Variants in ABLIM3 observed in about 807,000 individuals in gnomAD.
ABLIM3 encodes actin binding LIM protein family member 3.
Under a neutral mutation model 109.5 loss-of-function variants are expected in ABLIM3, and 61 were observed. The observed-to-expected ratio is 0.56, with a 90% CI of 0.45 to 0.69. The LOEUF (loss-of-function observed/expected upper bound fraction) is 0.69. Among genes scored for constraint, ABLIM3 ranks in the 30% least tolerant of loss-of-function variants. The pLI, the probability that ABLIM3 is intolerant of heterozygous loss-of-function variation, is 0.00. For missense variants in ABLIM3, 796 were observed against 889.5 expected (o/e 0.89, Z 1.34); for synonymous variants, 300 against 324.8 (o/e 0.92, Z 0.82).
At chr5:149,154,307 G>C (rs1753690783) in intron 2 of ABLIM3, among the ~76,000 whole-genome samples, 1 of 152,222 alleles carries the variant, frequency 6.6e-6, no homozygotes, top group Non-Finnish European at 1.5e-5. Flanking sequence ...AGCATGAGTT[G>C]TTCTCGAAAG....
Position 149,183,490 on chromosome 5 carries a change from T to G in ABLIM3, c.52T>G (p.Ser18Ala). The change falls in exon 3 of 24, where the codon TCC becomes GCC. Residue 18 changes from serine to alanine, a missense_variant. Coordinates refer to ENST00000309868, the MANE Select transcript of ABLIM3 (RefSeq NM_014945.5). ...GAATCCTTACAATCCACGGGGCAGCTCCAATGTCATCCAGTGCTACCGCTG... is the reference window on the plus strand; with the variant it reads ...GAATCCTTACAATCCACGGGGCAGCGCCAATGTCATCCAGTGCTACCGCTG... ...QQNPYNPRGS[S>A]NVIQCYRCGD... is the part of the protein sequence containing the mutation. The G allele has an allele frequency of 6.3e-7, 1 of 1,589,694 alleles. No homozygotes were observed. The highest frequency in any genetic ancestry group is 8.6e-7 in the Non-Finnish European group (1 of 1,168,730).
In ABLIM3 at chr5:149,151,581, T is replaced by C. The variant is rs568545199; in HGVS notation, c.13+9473T>C. On this transcript the variant is annotated intron_variant, in intron 2 of 23. Transcript: ENST00000309868. ...CTATCTAGTCTTGATGTTTAAACCC[T>C]CATTTTGCTATCCCTGACCCATGGA... Among the ~76,000 whole-genome samples, 16 of 152,352 alleles carry C rather than the reference T, an allele frequency of 1.1e-4. No individual in the cohort carries two copies. In the East Asian group the frequency reaches 3.1e-3, roughly 29 times the overall value.
intron 2 of ABLIM3, among the ~76,000 whole-genome samples, chr5:149,147,102 G>A (rs186337474): frequency 3.7e-4 from 55 of 147,088 alleles, no homozygotes; most frequent in East Asian, 3.5e-3. Flanking sequence ...TCGCTTGCTC[G>A]CTCTCTGTGT....
chr5:149,173,623 G>A (rs572284419), intron 2 of ABLIM3, among the ~76,000 whole-genome samples: 223 of 152,268 alleles, frequency 1.5e-3, no homozygotes, highest in African/African-American at 5.1e-3. Context: ...TAGTCGCTGC[G>A]GCTCTGCATT....
intron 2 of ABLIM3, among the ~76,000 whole-genome samples, chr5:149,144,732 A>C (rs527650009): frequency 1.8e-4 from 28 of 152,290 alleles, no homozygotes; most frequent in Admixed American, 3.3e-4. Context: ...CAAGTCATGC[A>C]GTTAATTGTT....
chr5:149,165,536 C>G (rs1397066251), intron 2 of ABLIM3, among the ~76,000 whole-genome samples: 1 of 152,202 alleles, frequency 6.6e-6, no homozygotes, highest in Admixed American at 6.5e-5. Context: ...CCAGTTCCAA[C>G]TAGCTCAAGT....
At chr5:149,146,286 T>C (rs1752917918) in intron 2 of ABLIM3, among the ~76,000 whole-genome samples, 1 of 152,244 alleles carries the variant, frequency 6.6e-6, no homozygotes, top group African/African-American at 2.4e-5. Flanking sequence ...CTGTTGATAG[T>C]ATCTTTTGCA....
At chr5:149,212,511 G>A (rs924524053) in intron 7 of ABLIM3, among the ~76,000 whole-genome samples, 3 of 152,100 alleles carry the variant, frequency 2.0e-5, no homozygotes, top group African/African-American at 7.2e-5. Context: ...TGAGTGAGGA[G>A]GCCCCTGCGT....
chr5:149,206,330 C>A (rs181590522), intron 5 of ABLIM3, among the ~76,000 whole-genome samples: 1 of 152,108 alleles, frequency 6.6e-6, no homozygotes, highest in Admixed American at 6.5e-5. Flanking sequence ...GGCACATGTT[C>A]GATGTGTGAA....
chr5:149,142,518 G>A (rs1333511436), intron 2 of ABLIM3, among the ~76,000 whole-genome samples: 1 of 152,180 alleles, frequency 6.6e-6, no homozygotes, highest in African/African-American at 2.4e-5. Context: ...GGGCAGGCGG[G>A]AGGGTAGGTG....
chr5:149,231,056 T>C (rs916446225), intron 9 of ABLIM3, among the ~76,000 whole-genome samples: 1 of 152,198 alleles, frequency 6.6e-6, no homozygotes, highest in African/African-American at 2.4e-5. Flanking sequence ...TTAATAATAA[T>C]AGTTAATAAT....
At chr5:149,205,336 G>C (rs1292135561) in intron 5 of ABLIM3, among the ~76,000 whole-genome samples, 1 of 152,106 alleles carries the variant, frequency 6.6e-6, no homozygotes, top group Non-Finnish European at 1.5e-5. Flanking sequence ...GCAGAGGAGG[G>C]TGCCCACTTG....
chr5:149,175,455 T>C (rs1011473322), intron 2 of ABLIM3, among the ~76,000 whole-genome samples: 11 of 152,218 alleles, frequency 7.2e-5, no homozygotes, highest in Admixed American at 3.3e-4. Context: ...GGCTTCTTTA[T>C]GCCCAGCTAA....
intron 8 of ABLIM3, among the ~76,000 whole-genome samples, chr5:149,225,974 GTGTGTGTGTATATATATATATATA>G (rs1157404168): frequency 0.17 from 15,951 of 91,778 alleles, 1,535 homozygotes; most frequent in East Asian, 0.45. Flanking sequence ...GTGTGTGTGT[GTGTGTGTGTATATATATATATATA>G]TATATATATA....
chr5:149,206,072 C>A (rs1758936153), intron 5 of ABLIM3, among the ~76,000 whole-genome samples: 1 of 152,238 alleles, frequency 6.6e-6, no homozygotes, highest in African/African-American at 2.4e-5. Flanking sequence ...GCCCCATGAC[C>A]CTTTCCTCCG....
At chr5:149,208,976 C>T (rs148723863) in intron 6 of ABLIM3, among the ~76,000 whole-genome samples, 1 of 152,148 alleles carries the variant, frequency 6.6e-6, no homozygotes, top group Admixed American at 6.5e-5. Context: ...TGGGCAAGGC[C>T]AGGGCAGTAG....
chr5:149,184,432 G>T (rs76286377), intron 3 of ABLIM3, among the ~76,000 whole-genome samples: 1 of 152,084 alleles, frequency 6.6e-6, no homozygotes. Flanking sequence ...CTTTGTATTC[G>T]CTTTTCCCTT....
chr5:149,158,885 T>A (rs1479245471), intron 2 of ABLIM3, among the ~76,000 whole-genome samples: 1 of 152,114 alleles, frequency 6.6e-6, no homozygotes, highest in Non-Finnish European at 1.5e-5. Context: ...AAATGCAAAT[T>A]AAAACCACCT....
rs192263657 is a variant in ABLIM3 at position 149,225,128 on chromosome 5, G to A, written c.758-5521G>A. ...AAGCAATTCACCTGCTGGGAGGAGA[G>A]GAGTGGGAAATTTTTTATGTTAATG... On this transcript the variant is annotated intron_variant, in intron 8 of 23. Coordinates refer to ENST00000309868, the MANE Select transcript of ABLIM3 (RefSeq NM_014945.5). Among the ~76,000 whole-genome samples the A allele has an allele frequency of 1.3e-4, 20 of 152,336 alleles. No individual in the cohort carries two copies. The East Asian group carries it at 3.7e-3, about 28-fold the overall frequency.
Sources: gnomAD v4.1 joint callset for allele counts (sites outside exome capture counted in the v4.1 genomes callset) on GRCh38, gnomAD v4.1.1 for gene constraint, MANE v1.5 for transcripts, NCBI Gene and HGNC (gene_info 2026-07-23, HGNC 2026-07-21) for gene names.